The following RAB6A variants were observed in gnomAD, a reference collection of about 807,000 sequenced individuals.
The protein encoded by RAB6A is ras-related protein Rab-6A.
In RAB6A, 8 loss-of-function variants were observed where a neutral mutation model predicts 32.3. That is an observed-to-expected ratio of 0.25 (90% CI 0.15 to 0.45). RAB6A has a LOEUF of 0.45. Ranked by LOEUF, RAB6A falls within the 20% of genes least tolerant of loss-of-function variation. RAB6A has a pLI of 1.00. For synonymous variants in RAB6A, 73 were observed against 82.1 expected, an observed-to-expected ratio of 0.89 and a Z score of 0.60; for missense variants, 104 against 249.4, an observed-to-expected ratio of 0.42 and a Z score of 3.93.
intron 1 of RAB6A, among the ~76,000 whole-genome samples, chr11:73,751,036 C>T (rs1335434722): frequency 1.3e-5 from 2 of 152,052 alleles, no homozygotes; most frequent in African/African-American, 2.4e-5. Context: ...AACTCCTGGC[C>T]TCAAGCAATC....
chr11:73,723,494 T>C (rs1398177812), intron 2 of RAB6A, among the ~76,000 whole-genome samples: 2 of 151,756 alleles, frequency 1.3e-5, no homozygotes, highest in Admixed American at 6.6e-5. Flanking sequence ...CTCAGTTAAT[T>C]TTTGTATTTT....
intron 1 of RAB6A, 40 bp from the exon 2 acceptor site, chr11:73,730,863 T>C (rs748715469): frequency 6.7e-7 from 1 of 1,503,332 alleles, no homozygotes; most frequent in South Asian, 1.3e-5. Context: ...AGTGAACACA[T>C]TACATTGGGT....
At chr11:73,760,436 G>A in intron 1 of RAB6A, 130 bp downstream of exon 1, 2 of 1,258,856 alleles carry the variant, frequency 1.6e-6, no homozygotes, top group Non-Finnish European at 2.2e-6. Context: ...GGGCACATCG[G>A]GAAGGGCTGC....
intron 2 of RAB6A, chr11:73,722,341 ATATTTTTTTTT>A (rs1565365097): frequency 3.4e-4 from 3 of 8,822 alleles, no homozygotes; most frequent in South Asian, 4.6e-3. Flanking sequence ...ATATATATAT[ATATTTTTTTTT>A]TTTTTTTTTT....
At chr11:73,723,952 AT>A (rs925024571) in intron 2 of RAB6A, among the ~76,000 whole-genome samples, 31 of 152,082 alleles carry the variant, frequency 2.0e-4, no homozygotes, top group Admixed American at 1.2e-3. Context: ...AATATATAAG[AT>A]TTTTTTTAGT....
At chr11:73,754,847 G>A in intron 1 of RAB6A, among the ~76,000 whole-genome samples, 1 of 151,522 alleles carries the variant, frequency 6.6e-6, no homozygotes. Flanking sequence ...GAACCCGGGA[G>A]GCACTCACTC....
intron 7 of RAB6A, 110 bp from the exon 8 acceptor site, chr11:73,678,072 C>T (rs1470921710): frequency 9.0e-7 from 1 of 1,113,672 alleles, no homozygotes; most frequent in Non-Finnish European, 1.3e-6. Flanking sequence ...AGAGCCTACA[C>T]ACTCACTATT....
chr11:73,744,930 G>A (rs937391058), intron 1 of RAB6A, among the ~76,000 whole-genome samples: 9 of 149,274 alleles, frequency 6.0e-5, no homozygotes, highest in African/African-American at 2.5e-5. Flanking sequence ...AGCCGAGATC[G>A]CGCCACTGCA....
chr11:73,730,092 G>C (rs947811823), intron 2 of RAB6A: 1 of 152,154 alleles, frequency 6.6e-6, no homozygotes, highest in Non-Finnish European at 1.5e-5. Context: ...ATCATCTCCT[G>C]ATCTATTGGC....
intron 1 of RAB6A, among the ~76,000 whole-genome samples, chr11:73,736,610 G>T (rs190784624): frequency 1.3e-5 from 2 of 151,780 alleles, no homozygotes; most frequent in African/African-American, 4.8e-5. Flanking sequence ...TGGCCAGCAT[G>T]GTGAAATTCT....
intron 6 of RAB6A, among the ~76,000 whole-genome samples, chr11:73,693,245 G>A (rs868366005): frequency 5.3e-5 from 8 of 151,884 alleles, no homozygotes; most frequent in Admixed American, 6.6e-5. Context: ...CTGCGATCAC[G>A]CCACTGTACT....
chr11:73,723,022 G>A (rs187305212), intron 2 of RAB6A, among the ~76,000 whole-genome samples: 169 of 152,210 alleles, frequency 1.1e-3, no homozygotes, highest in African/African-American at 3.6e-3. Flanking sequence ...GGACAGGCTG[G>A]TCTCGAACTC....
intron 6 of RAB6A, among the ~76,000 whole-genome samples, chr11:73,683,370 C>T (rs1945390877): frequency 6.6e-6 from 1 of 151,076 alleles, no homozygotes; most frequent in South Asian, 2.1e-4. Flanking sequence ...ATCCTCCCAC[C>T]TCAGCCTCCC....
intron 6 of RAB6A, among the ~76,000 whole-genome samples, chr11:73,687,547 T>G (rs563458715): frequency 4.7e-4 from 72 of 152,268 alleles, no homozygotes; most frequent in Non-Finnish European, 6.9e-4. Flanking sequence ...CTATTGTCAT[T>G]ATTCATTGTT....
At chr11:73,737,321 C>T (rs2134985597) in intron 1 of RAB6A, among the ~76,000 whole-genome samples, 1 of 152,004 alleles carries the variant, frequency 6.6e-6, no homozygotes, top group East Asian at 1.9e-4. Flanking sequence ...CCTATCTCTA[C>T]AAAAAATTTA....
chr11:73,718,775 A>C, intron 3 of RAB6A, 57 bp from the exon 4 acceptor site: 1 of 1,614,114 alleles, frequency 6.2e-7, no homozygotes, highest in Non-Finnish European at 8.5e-7. Flanking sequence ...ACCCGTTGCA[A>C]TATACCTACT....
chr11:73,691,983 A>G (rs556141224), intron 6 of RAB6A, among the ~76,000 whole-genome samples: 49 of 152,146 alleles, frequency 3.2e-4, no homozygotes, highest in Admixed American at 9.2e-4. Context: ...TCCAAAAAAA[A>G]AAGAAAGCAA....
chr11:73,685,018 A>G (rs1002290373), intron 6 of RAB6A, among the ~76,000 whole-genome samples: 17 of 152,236 alleles, frequency 1.1e-4, no homozygotes, highest in African/African-American at 3.9e-4. Context: ...CAAATCACAT[A>G]GTGAAATTGA....
chr11:73,707,093 C>T (rs748629708), intron 6 of RAB6A, among the ~76,000 whole-genome samples: 13 of 140,166 alleles, frequency 9.3e-5, no homozygotes, highest in Non-Finnish European at 1.4e-4. Flanking sequence ...ATTCAAGCCT[C>T]GGCAACAAGA....
Sources: allele counts gnomAD v4.1 joint callset (sites outside exome capture counted in the v4.1 genomes callset), GRCh38; gene constraint gnomAD v4.1.1; transcripts MANE v1.5; gene names NCBI Gene and HGNC (gene_info 2026-07-23, HGNC 2026-07-21).